The following PLD5 variants were observed in gnomAD, a reference collection of about 807,000 sequenced individuals.
PLD5 encodes inactive phospholipase D5.
Under a neutral mutation model 61.1 loss-of-function variants are expected in PLD5, and 36 were observed. That is an observed-to-expected ratio of 0.59 (90% confidence interval 0.45 to 0.78). The LOEUF (loss-of-function observed/expected upper bound fraction) is 0.78. Among genes scored for constraint, PLD5 ranks in the 30% least tolerant of loss-of-function variants. The probability of loss-of-function intolerance (pLI) is 0.00; values close to 1 mark genes in which losing one functional copy is unlikely to be tolerated. For missense variants in PLD5, 515 were observed against 644.4 expected (o/e 0.80, Z 2.17); for synonymous variants, 243 against 242.8 (o/e 1.00, Z -0.01).
At chr1:242,383,543 T>C (rs985941) in intron 1 of PLD5, among the ~76,000 whole-genome samples, 58,283 of 151,456 alleles carry the variant, frequency 0.38, 11,921 homozygotes, top group Admixed American at 0.51. Flanking sequence ...AAATTTTTTC[T>C]TTTCTTTGCA....
chr1:242,259,167 G>T (rs1482419691), intron 4 of PLD5, among the ~76,000 whole-genome samples: 5 of 152,174 alleles, frequency 3.3e-5, no homozygotes, highest in African/African-American at 9.7e-5. Flanking sequence ...GACTTGGTCA[G>T]GCATGGTGGC....
chr1:242,441,023 G>A (rs1666250639), intron 1 of PLD5, among the ~76,000 whole-genome samples: 1 of 152,198 alleles, frequency 6.6e-6, no homozygotes, highest in African/African-American at 2.4e-5. Flanking sequence ...CCATTATAAT[G>A]ATGAGTTACA....
At chr1:242,354,757 C>T (rs1295805155) in intron 1 of PLD5, among the ~76,000 whole-genome samples, 2 of 151,310 alleles carry the variant, frequency 1.3e-5, no homozygotes, top group African/African-American at 4.9e-5. Flanking sequence ...ATAATGTTAT[C>T]TGTGAGATTA....
At chr1:242,491,523 A>G (rs1341396158) in intron 1 of PLD5, among the ~76,000 whole-genome samples, 1 of 152,248 alleles carries the variant, frequency 6.6e-6, no homozygotes, top group Non-Finnish European at 1.5e-5. Flanking sequence ...AAGACAGTAG[A>G]AAAACAAAAA....
chr1:242,495,232 A>G (rs2809984), intron 1 of PLD5, among the ~76,000 whole-genome samples: 66,328 of 151,264 alleles, frequency 0.44, 14,843 homozygotes, highest in East Asian at 0.63. Context: ...ACCAGTGCCC[A>G]GCTGGGAACC....
chr1:242,308,328 G>A (rs1676493700), intron 2 of PLD5, among the ~76,000 whole-genome samples: 1 of 152,118 alleles, frequency 6.6e-6, no homozygotes, highest in Admixed American at 6.6e-5. Context: ...TTTAGTAAAA[G>A]GAATGATGAA....
intron 2 of PLD5, 128 bp from the exon 3 acceptor site, chr1:242,288,658 T>A: frequency 7.0e-7 from 1 of 1,422,448 alleles, no homozygotes; most frequent in Non-Finnish European, 9.2e-7. Flanking sequence ...TCTCTCCTCA[T>A]AATTTACATA....
intron 3 of PLD5, among the ~76,000 whole-genome samples, chr1:242,280,739 T>TA (rs1484611601): frequency 2.0e-5 from 3 of 152,058 alleles, no homozygotes; most frequent in African/African-American, 2.4e-5. Context: ...TTTCTTGGGT[T>TA]AAAAAAAATT....
chr1:242,468,843 G>A (rs956224665), intron 1 of PLD5, among the ~76,000 whole-genome samples: 1 of 152,032 alleles, frequency 6.6e-6, no homozygotes, highest in Non-Finnish European at 1.5e-5. Flanking sequence ...CATGCTCCAC[G>A]TGGTTTACAC....
intron 1 of PLD5, among the ~76,000 whole-genome samples, chr1:242,427,753 G>A (rs1276945312): frequency 6.6e-6 from 1 of 152,210 alleles, no homozygotes; most frequent in Admixed American, 6.5e-5. Flanking sequence ...ACAGACAGCA[G>A]AGAGCCTTTG....
intron 2 of PLD5, 149 bp downstream of exon 2, chr1:242,347,957 G>A: frequency 1.2e-6 from 1 of 802,746 alleles, no homozygotes; most frequent in Non-Finnish European, 2.0e-6. Flanking sequence ...AAAAGTAAGA[G>A]TACTAGTGGA....
In PLD5 at chr1:242,449,548, G is replaced by A. The variant is rs138954744; in HGVS notation, c.189+74540C>T. On this transcript the variant is annotated intron_variant, in intron 1 of 9. Transcript: ENST00000536534. ...TTTGGAAATCAGCCAAACTGAGCACGAAGAGAGAAAGGGCTGCAGCTTGCA... is the reference window on the plus strand; with the variant it reads ...TTTGGAAATCAGCCAAACTGAGCACAAAGAGAGAAAGGGCTGCAGCTTGCA... 1.7e-4 allele frequency: 239 copies of A among 1,446,692 alleles called. 3 individuals are homozygous for A. Among genetic ancestry groups the A allele is most frequent in the South Asian group, 1.5e-3 (102 of 68,818 alleles). The allele number at this position is 1,446,692 out of a possible 1,614,324, so 89.6% of individuals were successfully genotyped here. A position where few individuals can be genotyped will look rare whatever the true frequency, so the allele number is the denominator to read the frequency against.
upstream of PLD5, among the ~76,000 whole-genome samples, chr1:242,526,435 G>C (rs1465781449): frequency 6.6e-6 from 1 of 152,116 alleles, no homozygotes; most frequent in Non-Finnish European, 1.5e-5. Context: ...AATTTTGTTT[G>C]TTTGTTTTGT....
chr1:242,427,535 C>T (rs995069044), intron 1 of PLD5, among the ~76,000 whole-genome samples: 14 of 152,126 alleles, frequency 9.2e-5, no homozygotes, highest in East Asian at 1.9e-4. Context: ...CAGATGGGAA[C>T]GTGAAAAGCT....
chr1:242,478,455 T>C (rs1667666995), intron 1 of PLD5, among the ~76,000 whole-genome samples: 1 of 152,216 alleles, frequency 6.6e-6, no homozygotes, highest in Non-Finnish European at 1.5e-5. Context: ...GTCCTGTCAC[T>C]GCGAGGGACT....
chr1:242,212,196 C>T (rs1175110215), intron 5 of PLD5, among the ~76,000 whole-genome samples: 4 of 152,186 alleles, frequency 2.6e-5, no homozygotes, highest in East Asian at 3.9e-4. Flanking sequence ...AAAGGGGAAA[C>T]GGAGGTTTTG....
intron 5 of PLD5, among the ~76,000 whole-genome samples, chr1:242,128,319 A>AG (rs1361220881): frequency 6.6e-6 from 1 of 151,278 alleles, no homozygotes; most frequent in Admixed American, 6.6e-5. Context: ...AAAGAAAGAA[A>AG]AAAAAAAAAC....
intron 1 of PLD5, among the ~76,000 whole-genome samples, chr1:242,419,708 C>T (rs543838314): frequency 1.3e-5 from 2 of 151,628 alleles, no homozygotes; most frequent in South Asian, 2.1e-4. Context: ...CCACCATGCC[C>T]GGCCATCCTG....
intron 2 of PLD5, among the ~76,000 whole-genome samples, chr1:242,292,121 T>A (rs1675402615): frequency 6.6e-6 from 1 of 152,138 alleles, no homozygotes; most frequent in African/African-American, 2.4e-5. Flanking sequence ...GAGGTTGAAG[T>A]TGGATATCTT....
Sources: allele counts gnomAD v4.1 joint callset (sites outside exome capture counted in the v4.1 genomes callset), GRCh38; gene constraint gnomAD v4.1.1; transcripts MANE v1.5; gene names NCBI Gene and HGNC (gene_info 2026-07-23, HGNC 2026-07-21).